Variants in TMEM38B observed in about 807,000 individuals in gnomAD.
The protein encoded by TMEM38B is trimeric intracellular cation channel type B.
Under a neutral mutation model 28.7 loss-of-function variants are expected in TMEM38B, and 24 were observed. That is an observed-to-expected ratio of 0.84 (90% CI 0.61 to 1.18). The LOEUF is 1.18. Among genes scored for constraint, TMEM38B ranks in the 50% most tolerant of loss-of-function variants. The probability of loss-of-function intolerance (pLI) is 0.00; values close to 1 mark genes in which losing one functional copy is unlikely to be tolerated. For synonymous variants in TMEM38B, 131 were observed against 127.7 expected, an observed-to-expected ratio of 1.03 and a Z score of -0.17; for missense variants, 380 against 350.9, an observed-to-expected ratio of 1.08 and a Z score of -0.66.
chr9:105,740,918 G>T (rs1837179339), intron 4 of TMEM38B, among the ~76,000 whole-genome samples: 1 of 152,158 alleles, frequency 6.6e-6, no homozygotes, highest in Non-Finnish European at 1.5e-5. Flanking sequence ...CTGAACAATG[G>T]TTTCTAAAGT....
rs1826708667 is a variant in TMEM38B, at chr9:105,775,896, A to G, written c.*1816A>G. 1 of 152,146 alleles carries G rather than the reference A, an allele frequency of 6.6e-6. No homozygotes were observed. The highest frequency in any genetic ancestry group is 2.4e-5 in the African/African-American group (1 of 41,438). The allele number at this position is 152,146 out of a possible 1,614,324, so 9.4% of individuals were successfully genotyped here. On this transcript the variant is annotated 3_prime_UTR_variant, in exon 6 of 6. Coordinates refer to ENST00000374692, the MANE Select transcript of TMEM38B (RefSeq NM_018112.3). Reference sequence around the variant, plus strand: ...ACTCATCTAGTATTTTGACTAATATAGTATATATTCAGTGATTACTGTTCA... The same window carrying G: ...ACTCATCTAGTATTTTGACTAATATGGTATATATTCAGTGATTACTGTTCA...
intron 5 of TMEM38B, 49 bp downstream of exon 5, chr9:105,748,239 C>A (rs781108612): frequency 3.7e-6 from 5 of 1,333,534 alleles, no homozygotes; most frequent in Non-Finnish European, 4.3e-6. Flanking sequence ...TATAACTATT[C>A]CCCTTTGATA....
intron 4 of TMEM38B, among the ~76,000 whole-genome samples, chr9:105,730,751 T>C (rs938285859): frequency 9.2e-5 from 14 of 152,188 alleles, no homozygotes; most frequent in African/African-American, 3.1e-4. Flanking sequence ...GAGCCTGTTA[T>C]TGGTCTATTC....
At chr9:105,733,635 C>T (rs1836858675) in intron 4 of TMEM38B, among the ~76,000 whole-genome samples, 1 of 151,586 alleles carries the variant, frequency 6.6e-6, no homozygotes, top group Non-Finnish European at 1.5e-5. Context: ...AGTTTATATT[C>T]CAGTCTCTTT....
At chr9:105,769,921 G>A (rs1341078113) in intron 5 of TMEM38B, among the ~76,000 whole-genome samples, 2 of 152,018 alleles carry the variant, frequency 1.3e-5, no homozygotes, top group East Asian at 1.9e-4. Flanking sequence ...GAAAAGGGGT[G>A]GTTGATGAGA....
Position 105,713,687 on chromosome 9 carries a change from A to G in TMEM38B, c.270-7850A>G, listed in dbSNP as rs564645518. Among the ~76,000 whole-genome samples the G allele has an allele frequency of 2.5e-3, 374 of 152,172 alleles. 1 individual carries two copies. Among genetic ancestry groups the G allele is most frequent in the Non-Finnish European group, 4.3e-3 (290 of 67,958 alleles). On this transcript the variant is annotated intron_variant, in intron 2 of 5. Coordinates refer to ENST00000374692, the MANE Select transcript of TMEM38B (RefSeq NM_018112.3). ...GGGGGCGGGTTCCCAGTGAAGCCCC[A>G]CCTTCAGGCTTGGGCAGGTCTGAAG...
At chr9:105,760,394 T>C (rs1414063305) in intron 5 of TMEM38B, 19 of 748,034 alleles carry the variant, frequency 2.5e-5, no homozygotes, top group Non-Finnish European at 4.7e-5. Context: ...CAGACTGCAG[T>C]GGAAAAACAT....
intron 5 of TMEM38B, among the ~76,000 whole-genome samples, chr9:105,772,107 C>T (rs1292370012): frequency 6.6e-6 from 1 of 152,212 alleles, no homozygotes; most frequent in East Asian, 1.9e-4. Flanking sequence ...GCAGTTTCAC[C>T]TTGTCTGACC....
At chr9:105,760,291 GA>G in intron 5 of TMEM38B, 2 of 780,432 alleles carry the variant, frequency 2.6e-6, no homozygotes, top group South Asian at 1.4e-5. Flanking sequence ...ATGCTGTGCT[GA>G]AAAAGTGGAT....
In TMEM38B at chr9:105,705,641, A is replaced by AC; in HGVS notation, c.158dup (p.Ala54CysfsTer29). The AC allele has an allele frequency of 2.5e-6, 4 of 1,614,062 alleles. No homozygotes were observed. Among genetic ancestry groups the AC allele is most frequent in the Non-Finnish European group, 3.4e-6 (4 of 1,179,996 alleles). On this transcript the variant is annotated frameshift_variant, in exon 2 of 6. Transcript: ENST00000374692. LOFTEE classifies it high-confidence loss of function. ...GAAGAATCCTATTTCAAGCTGGTTT[A>AC]CTGCTATGCTCCACTGTTTTGGTGG... is the stretch of plus-strand genomic sequence containing the variant.
At chr9:105,764,080 T>C (rs370254330) in intron 5 of TMEM38B, among the ~76,000 whole-genome samples, 66 of 141,162 alleles carry the variant, frequency 4.7e-4, no homozygotes, top group African/African-American at 6.3e-4. Flanking sequence ...TGGGACGTAT[T>C]TCAAAATAAT....
Position 105,774,311 on chromosome 9 carries a change from G to T in TMEM38B, c.*231G>T, listed in dbSNP as rs956025976. ...CTTTACCGGTATAAGAGATTCTGTT[G>T]TGATTATTTGAATAGTTTTATATTA... On this transcript the variant is annotated 3_prime_UTR_variant, in exon 6 of 6. Transcript: ENST00000374692. 8.8e-6 allele frequency: 3 copies of T among 340,162 alleles called. No homozygotes were observed. Among genetic ancestry groups the T allele is most frequent in the African/African-American group, 4.2e-5 (2 of 47,254 alleles). 21.1% of individuals were successfully genotyped at this position (340,162 alleles called of 1,614,324 possible). A position where few individuals can be genotyped will look rare whatever the true frequency, so the allele number is the denominator to read the frequency against.
chr9:105,741,138 T>G (rs7873663), intron 4 of TMEM38B, among the ~76,000 whole-genome samples: 35,519 of 152,118 alleles, frequency 0.23, 6,805 homozygotes, highest in African/African-American at 0.51. Flanking sequence ...ACAAGCCAAG[T>G]TAGCCACCAG....
chr9:105,775,821 G>A lies in TMEM38B; in HGVS notation c.*1741G>A, dbSNP rs1826707309. On this transcript the variant is annotated 3_prime_UTR_variant, in exon 6 of 6. Coordinates refer to ENST00000374692, the MANE Select transcript of TMEM38B (RefSeq NM_018112.3). ...AAATAAGTTATTTAGCACCAATGGA[G>A]TATTACATTATTTTTATGTTTTATA... 6.6e-6 allele frequency: 1 copy of A among 152,034 alleles called. No individual in the cohort carries two copies. The highest frequency in any genetic ancestry group is 2.4e-5 in the African/African-American group (1 of 41,392). 9.4% of individuals were successfully genotyped at this position (152,034 alleles called of 1,614,324 possible).
intron 4 of TMEM38B, among the ~76,000 whole-genome samples, chr9:105,724,451 C>G (rs1397537088): frequency 6.6e-6 from 1 of 151,944 alleles, no homozygotes; most frequent in Admixed American, 6.6e-5. Context: ...GGTGAAACCC[C>G]GTCTCTACTA....
chr9:105,740,860 A>G (rs983229744), intron 4 of TMEM38B, among the ~76,000 whole-genome samples: 2 of 152,222 alleles, frequency 1.3e-5, no homozygotes, highest in African/African-American at 2.4e-5. Context: ...GTATATTTCT[A>G]TATTTTTCTG....
chr9:105,752,885 C>A lies in TMEM38B; in HGVS notation c.660+4695C>A, dbSNP rs554542357. Among the ~76,000 whole-genome samples, 5 of 152,144 alleles carry A rather than the reference C, an allele frequency of 3.3e-5. No homozygotes were observed. The South Asian group carries it at 1.0e-3, about 32-fold the overall frequency. ...AATGAGCTTCACTGAGCTAAAGGGG[C>A]ATGTTCTAACCCAATGGAAAGAAGC... On this transcript the variant is annotated intron_variant, in intron 5 of 5. Transcript: ENST00000374692.
intron 2 of TMEM38B, among the ~76,000 whole-genome samples, chr9:105,714,032 C>G (rs1280832727): frequency 6.6e-6 from 1 of 152,094 alleles, no homozygotes; most frequent in Non-Finnish European, 1.5e-5. Context: ...GGCCTCCTCT[C>G]TGCTGAGAGC....
intron 5 of TMEM38B, among the ~76,000 whole-genome samples, chr9:105,767,203 A>C (rs1456920869): frequency 6.6e-6 from 1 of 151,886 alleles, no homozygotes; most frequent in African/African-American, 2.4e-5. Context: ...TTGAAAAGAC[A>C]GTTCTTTCCC....
Sources: gnomAD v4.1 joint callset for allele counts (sites outside exome capture counted in the v4.1 genomes callset) on GRCh38, gnomAD v4.1.1 for gene constraint, MANE v1.5 for transcripts, NCBI Gene and HGNC (gene_info 2026-07-23, HGNC 2026-07-21) for gene names.